CACNA1D: variants seen among roughly 807,000 people sequenced by gnomAD.
The protein encoded by CACNA1D is voltage-dependent L-type calcium channel subunit alpha-1D.
Under a neutral mutation model 257.1 loss-of-function variants are expected in CACNA1D, and 55 were observed. That is an observed-to-expected ratio of 0.21 (90% CI 0.17 to 0.27). The LOEUF is 0.27. CACNA1D is among the 10% of genes least tolerant of loss of function. The probability of loss-of-function intolerance (pLI) is 1.00; values close to 1 mark genes in which losing one functional copy is unlikely to be tolerated. For missense variants in CACNA1D, 1,876 were observed against 2,784.0 expected, an observed-to-expected ratio of 0.67 and a Z score of 7.34; for synonymous variants, 980 against 1,014.9, an observed-to-expected ratio of 0.97 and a Z score of 0.65.
chr3:53,690,687 A>C (rs1195338440), intron 8 of CACNA1D, among the ~76,000 whole-genome samples: 2 of 152,190 alleles, frequency 1.3e-5, no homozygotes, highest in African/African-American at 4.8e-5. Flanking sequence ...AATTTCCTAC[A>C]GTGACTGCTT....
intron 20 of CACNA1D, among the ~76,000 whole-genome samples, chr3:53,737,801 C>T (rs1356549260): frequency 2.0e-5 from 3 of 152,150 alleles, no homozygotes; most frequent in Non-Finnish European, 2.9e-5. Context: ...CCAGCCTCTG[C>T]GACAAGAGCA....
At chr3:53,509,279 C>CTGTGTGTG (rs57524253) in intron 3 of CACNA1D, among the ~76,000 whole-genome samples, 1 of 149,870 alleles carries the variant, frequency 6.7e-6, no homozygotes, top group Admixed American at 6.6e-5. Context: ...ACAGCCCCCT[C>CTGTGTGTG]TGTGTGTGTG....
At chr3:53,642,431 C>T (rs918487107) in intron 3 of CACNA1D, among the ~76,000 whole-genome samples, 1 of 152,250 alleles carries the variant, frequency 6.6e-6, no homozygotes, top group Non-Finnish European at 1.5e-5. Flanking sequence ...CATGCCAACT[C>T]TTATTGCCCC....
At chr3:53,616,462 G>A (rs889959696) in intron 3 of CACNA1D, among the ~76,000 whole-genome samples, 4 of 152,170 alleles carry the variant, frequency 2.6e-5, no homozygotes, top group African/African-American at 9.7e-5. Flanking sequence ...AGGCTCACAC[G>A]CACATTCTGT....
rs76430373 is a variant in CACNA1D at position 53,642,287 on chromosome 3, C to G, written c.484-8492C>G. 4.2e-3 allele frequency among the ~76,000 whole-genome samples: 647 copies of G among 152,286 alleles called. 25 individuals are homozygous for G. The East Asian group carries it at 0.085, about 20-fold the overall frequency. ...CCTGGCAACTCTAGGCTTGTGGTCT[C>G]TCAGGGCTGAATCCAGCCAACAAAA... On this transcript the variant is annotated intron_variant, in intron 3 of 47. Transcript: ENST00000350061.
At chr3:53,738,479 C>G (rs1425105590) in intron 20 of CACNA1D, among the ~76,000 whole-genome samples, 2 of 151,970 alleles carry the variant, frequency 1.3e-5, no homozygotes, top group Non-Finnish European at 2.9e-5. Context: ...TTCATTCCAT[C>G]ATAAAAAAAG....
intron 9 of CACNA1D, chr3:53,710,359 T>C (rs1204416224): frequency 8.8e-6 from 4 of 454,206 alleles, no homozygotes; most frequent in Admixed American, 2.4e-5. Context: ...TGCCCTCTGC[T>C]GCTTCATAAT....
rs2093806823 is a variant in CACNA1D at position 53,630,175 on chromosome 3, T to C, written c.484-20604T>C. On this transcript the variant is annotated intron_variant, in intron 3 of 47. Transcript: ENST00000350061. ...AATCTGATGAAGTAGGGCCACAGGT[T>C]TTGTTTTCATTATTCTGTATCTACT... 7.2e-5 allele frequency among the ~76,000 whole-genome samples: 11 copies of C among 152,252 alleles called. No individual in the cohort carries two copies. The South Asian group carries it at 2.3e-3, about 31-fold the overall frequency.
chr3:53,507,086 A>AC (rs966182976), intron 3 of CACNA1D, among the ~76,000 whole-genome samples: 2 of 151,032 alleles, frequency 1.3e-5, no homozygotes, highest in African/African-American at 2.4e-5. Context: ...AAAAAAAAAA[A>AC]AAAAAAACAA....
intron 3 of CACNA1D, among the ~76,000 whole-genome samples, chr3:53,634,717 G>A (rs73840159): frequency 0.017 from 2,551 of 152,322 alleles, 75 homozygotes; most frequent in African/African-American, 0.057. Flanking sequence ...AGTGCAAACC[G>A]TGTGCCAGGC....
At chr3:53,616,429 T>C (rs930877360) in intron 3 of CACNA1D, among the ~76,000 whole-genome samples, 12 of 152,190 alleles carry the variant, frequency 7.9e-5, no homozygotes, top group Non-Finnish European at 1.0e-4. Context: ...TCCTGTCCCC[T>C]CTTTCTCTGC....
chr3:53,594,593 T>G (rs1223959242), intron 3 of CACNA1D, among the ~76,000 whole-genome samples: 1 of 152,172 alleles, frequency 6.6e-6, no homozygotes, highest in Non-Finnish European at 1.5e-5. Flanking sequence ...CTGGTAAGGG[T>G]GGTCAGGGAA....
chr3:53,510,808 T>A lies in CACNA1D; in HGVS notation c.483+9088T>A, dbSNP rs1462516601. ...TGGGATGTTAGTAGCATCTGGAGCA[T>A]CTGGTTAGAGTAGAAAGTCCACAAA... On this transcript the variant is annotated intron_variant, in intron 3 of 47. Transcript: ENST00000350061. Among the ~76,000 whole-genome samples, 3 of 152,280 alleles carry A rather than the reference T, an allele frequency of 2.0e-5. No individual in the cohort carries two copies. The East Asian group carries it at 5.8e-4, about 29-fold the overall frequency.
intron 10 of CACNA1D, chr3:53,718,622 C>CTGTA: frequency 9.6e-7 from 1 of 1,042,420 alleles, no homozygotes; most frequent in Non-Finnish European, 1.4e-6. Context: ...ATGCCTCTTC[C>CTGTA]TGTAAGTAGA....
In CACNA1D at chr3:53,800,940, AG is replaced by A; in HGVS notation, c.5041-115del. The A allele has an allele frequency of 1.0e-6, 1 of 954,598 alleles. No homozygotes were observed. Among genetic ancestry groups the A allele is most frequent in the Non-Finnish European group, 1.7e-6 (1 of 592,810 alleles). 59.1% of individuals were successfully genotyped at this position (954,598 alleles called of 1,614,324 possible). On this transcript the variant is annotated intron_variant, in intron 41 of 47. Transcript: ENST00000350061. This position sits in a 1 kb window ranked among gnomAD's most constrained non-coding sequence, Gnocchi z 4.3. ...CATTGAGACACTCAGATTGTTTTACAGGGATCCTACGGAGCTTGCCTAGAAT... is the reference window on the plus strand; with the variant it reads ...CATTGAGACACTCAGATTGTTTTACAGGATCCTACGGAGCTTGCCTAGAAT...
intron 29 of CACNA1D, among the ~76,000 whole-genome samples, chr3:53,755,826 T>C (rs2095261226): frequency 6.6e-6 from 1 of 152,082 alleles, no homozygotes; most frequent in African/African-American, 2.4e-5. Context: ...GCTCTTCTCT[T>C]TGGTGTTCAC....
chr3:53,784,019 T>G (rs928990075), intron 39 of CACNA1D, among the ~76,000 whole-genome samples: 12 of 152,296 alleles, frequency 7.9e-5, no homozygotes, highest in Admixed American at 5.9e-4. Flanking sequence ...TTGTCTTGGG[T>G]GGCTTCGCTA....
intron 40 of CACNA1D, among the ~76,000 whole-genome samples, chr3:53,790,161 A>G (rs755541236): frequency 1.2e-4 from 19 of 152,178 alleles, no homozygotes; most frequent in Non-Finnish European, 1.8e-4. Flanking sequence ...TTTGCTCGTC[A>G]TCCATTGTTG....
At chr3:53,804,053 C>G (rs566881643) in intron 44 of CACNA1D, among the ~76,000 whole-genome samples, 1 of 152,326 alleles carries the variant, frequency 6.6e-6, no homozygotes, top group South Asian at 2.1e-4. Context: ...GGTCACTCAG[C>G]AGAGGGGTCC....
Sources: allele counts gnomAD v4.1 joint callset (sites outside exome capture counted in the v4.1 genomes callset), GRCh38; gene constraint gnomAD v4.1.1; non-coding constraint Gnocchi (gnomAD v3.1); transcripts MANE v1.5; gene names NCBI Gene and HGNC (gene_info 2026-07-23, HGNC 2026-07-21).